The following CCDC91 variants were observed in gnomAD, a reference collection of about 807,000 sequenced individuals.
CCDC91 encodes the protein coiled-coil domain containing 91, also known as coiled-coil domain-containing protein 91.
A neutral mutation model predicts 63.2 loss-of-function variants in CCDC91; 48 were observed. That is an observed-to-expected ratio of 0.76 (90% confidence interval 0.60 to 0.97). The LOEUF (loss-of-function observed/expected upper bound fraction) is 0.97. CCDC91 is among the 50% of genes least tolerant of loss of function. The probability of loss-of-function intolerance (pLI) is 0.00; values close to 1 mark genes in which losing one functional copy is unlikely to be tolerated. For missense variants in CCDC91, 500 were observed against 494.6 expected, an observed-to-expected ratio of 1.01 and a Z score of -0.10; for synonymous variants, 167 against 165.8, an observed-to-expected ratio of 1.01 and a Z score of -0.06.
intron 6 of CCDC91, among the ~76,000 whole-genome samples, chr12:28,329,203 C>T (rs529819247): frequency 1.3e-5 from 2 of 152,216 alleles, no homozygotes; most frequent in East Asian, 3.9e-4. Context: ...TTTCAAGGGC[C>T]AATAATTTTT....
intron 7 of CCDC91, among the ~76,000 whole-genome samples, chr12:28,387,374 C>T (rs773215072): frequency 2.0e-5 from 3 of 151,578 alleles, no homozygotes; most frequent in Non-Finnish European, 2.9e-5. Context: ...TGTACTCCAG[C>T]TATTAGTTTT....
chr12:28,527,172 T>G (rs770762150), intron 12 of CCDC91, among the ~76,000 whole-genome samples: 8 of 152,256 alleles, frequency 5.3e-5, no homozygotes, highest in Non-Finnish European at 8.8e-5. Flanking sequence ...TTAGGGGGTG[T>G]TAAAGAACCT....
chr12:28,215,002 A>AT (rs1472359602), intron 1 of CCDC91, among the ~76,000 whole-genome samples: 1 of 152,194 alleles, frequency 6.6e-6, no homozygotes, highest in Non-Finnish European at 1.5e-5. Context: ...TAACATTTGA[A>AT]TTGGTAGACT....
chr12:28,322,797 T>C (rs11049531), intron 6 of CCDC91, among the ~76,000 whole-genome samples: 30,384 of 151,714 alleles, frequency 0.2, 3,987 homozygotes, highest in Non-Finnish European at 0.3. Flanking sequence ...TACATATTTA[T>C]ACTTTCACCA....
intron 1 of CCDC91, among the ~76,000 whole-genome samples, chr12:28,250,077 A>G (rs1279605264): frequency 6.6e-6 from 1 of 152,170 alleles, no homozygotes; most frequent in East Asian, 1.9e-4. Flanking sequence ...TCAGAGGGCT[A>G]TCAGCCTGGG....
intron 11 of CCDC91, among the ~76,000 whole-genome samples, chr12:28,455,409 G>GCTA (rs1374525798): frequency 6.6e-6 from 1 of 151,976 alleles, no homozygotes; most frequent in Non-Finnish European, 1.5e-5. Flanking sequence ...TTACCCCTGG[G>GCTA]CTACTAGTGA....
chr12:28,417,548 C>T (rs2139842916), intron 8 of CCDC91, among the ~76,000 whole-genome samples: 2 of 151,096 alleles, frequency 1.3e-5, no homozygotes, highest in South Asian at 4.2e-4. Context: ...TTTATTTTTC[C>T]CCAGCTTTAT....
intron 3 of CCDC91, among the ~76,000 whole-genome samples, chr12:28,265,108 T>G (rs1947100748): frequency 6.6e-6 from 1 of 152,032 alleles, no homozygotes; most frequent in African/African-American, 2.4e-5. Context: ...GGTGGTGCTG[T>G]TTTAGAGGCA....
intron 12 of CCDC91, among the ~76,000 whole-genome samples, chr12:28,516,527 C>G (rs1381783331): frequency 6.6e-6 from 1 of 151,890 alleles, no homozygotes. Context: ...TGCTTGAGCC[C>G]TGAGAGTCAG....
In CCDC91 at chr12:28,547,658, A is replaced by G. The variant is rs189753228; in HGVS notation, c.1216-1405A>G. ...AAAAAAAACTGTGAGGAAAAATGAT[A>G]AGCAGAAATCTTACTTCTGTATATA... On this transcript the variant is annotated intron_variant, in intron 12 of 12. Transcript: ENST00000536442. Among the ~76,000 whole-genome samples, 362 of 152,262 alleles carry G rather than the reference A, an allele frequency of 2.4e-3. 7 individuals are homozygous for G. Among genetic ancestry groups the G allele is most frequent in the African/African-American group, 8.1e-3 (338 of 41,576 alleles).
At chr12:28,289,380 AT>A (rs1346391068) in intron 3 of CCDC91, among the ~76,000 whole-genome samples, 1 of 152,038 alleles carries the variant, frequency 6.6e-6, no homozygotes, top group Admixed American at 6.5e-5. Context: ...GGTATGTTGT[AT>A]CTTTGTTCTC....
intron 3 of CCDC91, among the ~76,000 whole-genome samples, chr12:28,304,402 GAAAAA>G (rs57660180): frequency 1.0e-5 from 1 of 99,274 alleles, no homozygotes; most frequent in Non-Finnish European, 1.9e-5. Flanking sequence ...AAAAAAAAAA[GAAAAA>G]AAAAAAAAGA....
At chr12:28,208,149 G>T (rs1942982319) in intron 1 of CCDC91, among the ~76,000 whole-genome samples, 1 of 152,002 alleles carries the variant, frequency 6.6e-6, no homozygotes. Flanking sequence ...TACTTTTCAG[G>T]GTCCTCTCCA....
chr12:28,410,657 G>A (rs1386216599), intron 8 of CCDC91, among the ~76,000 whole-genome samples: 1 of 152,044 alleles, frequency 6.6e-6, no homozygotes, highest in Admixed American at 6.6e-5. Context: ...GAGTAGCTGG[G>A]ACTATAGGTG....
At chr12:28,522,438 A>T (rs974689652) in intron 12 of CCDC91, among the ~76,000 whole-genome samples, 3 of 151,760 alleles carry the variant, frequency 2.0e-5, no homozygotes, top group Non-Finnish European at 2.9e-5. Flanking sequence ...ACCATTTTTT[A>T]TTGCGTCTAT....
intron 12 of CCDC91, among the ~76,000 whole-genome samples, chr12:28,514,897 A>G (rs1196095355): frequency 6.6e-6 from 1 of 151,834 alleles, no homozygotes; most frequent in Non-Finnish European, 1.5e-5. Context: ...GGAGAGGATC[A>G]GGAAAAATGA....
At chr12:28,217,936 A>G (rs1943672468) in intron 1 of CCDC91, among the ~76,000 whole-genome samples, 1 of 152,120 alleles carries the variant, frequency 6.6e-6, no homozygotes, top group African/African-American at 2.4e-5. Flanking sequence ...ATCTTGATGT[A>G]GGTGACATCC....
At chr12:28,428,241 T>G (rs1204261406) in intron 8 of CCDC91, among the ~76,000 whole-genome samples, 3 of 152,094 alleles carry the variant, frequency 2.0e-5, no homozygotes, top group African/African-American at 7.2e-5. Context: ...AATAGATATT[T>G]TATATGAGTG....
chr12:28,318,279 T>C (rs1940112562), intron 6 of CCDC91, among the ~76,000 whole-genome samples: 3 of 151,628 alleles, frequency 2.0e-5, no homozygotes, highest in Admixed American at 1.3e-4. Context: ...CCCAACACTT[T>C]GGGAGGCTGT....
Sources: gnomAD v4.1 joint callset for allele counts (sites outside exome capture counted in the v4.1 genomes callset) on GRCh38, gnomAD v4.1.1 for gene constraint, MANE v1.5 for transcripts, NCBI Gene and HGNC (gene_info 2026-07-23, HGNC 2026-07-21) for gene names.